The following GALNTL6 variants were observed in gnomAD, a reference collection of about 807,000 sequenced individuals.
GALNTL6 encodes the protein polypeptide N-acetylgalactosaminyltransferase like 6, also known as polypeptide N-acetylgalactosaminyltransferase-like 6.
A neutral mutation model predicts 73.7 loss-of-function variants in GALNTL6; 46 were observed. That is an observed-to-expected ratio of 0.62 (90% CI 0.49 to 0.80). The LOEUF is 0.80. Ranked by LOEUF, GALNTL6 falls within the 30% of genes least tolerant of loss-of-function variation. The pLI, the probability that GALNTL6 is intolerant of heterozygous loss-of-function variation, is 0.00. For synonymous variants in GALNTL6, 259 were observed against 263.7 expected (o/e 0.98, Z 0.17); for missense variants, 604 against 755.0 (o/e 0.80, Z 2.34).
intron 2 of GALNTL6, among the ~76,000 whole-genome samples, chr4:172,064,001 A>T (rs1456137473): frequency 1.3e-5 from 2 of 152,116 alleles, no homozygotes; most frequent in African/African-American, 4.8e-5. Flanking sequence ...CTCCTGCAGG[A>T]TTATTTCATT....
At chr4:172,140,658 T>C (rs1297647858) in intron 2 of GALNTL6, among the ~76,000 whole-genome samples, 1 of 152,022 alleles carries the variant, frequency 6.6e-6, no homozygotes, top group Non-Finnish European at 1.5e-5. Context: ...TTCTCAACTG[T>C]TATGTTAGTC....
Position 172,311,727 on chromosome 4 carries a change from T to G in GALNTL6, c.361T>G (p.Ser121Ala). Reference protein sequence around the residue: ...FVSNNIALERSLPDIRHANCK... With the variant: ...FVSNNIALERALPDIRHANCK... ...CAGCAACAATATTGCTCTAGAGAGG[T>G]CTCTGCCAGATATTCGTCATGCTAA... Residue 121 changes from serine to alanine, a missense_variant, in exon 4 of 13, where the codon TCT (serine) becomes GCT (alanine). Transcript: ENST00000506823. The G allele has an allele frequency of 1.3e-6, 2 of 1,598,414 alleles. No individual in the cohort carries two copies. Among genetic ancestry groups the G allele is most frequent in the Non-Finnish European group, 1.7e-6 (2 of 1,170,414 alleles).
intron 9 of GALNTL6, among the ~76,000 whole-genome samples, chr4:172,948,383 T>C (rs1749273903): frequency 6.6e-6 from 1 of 152,208 alleles, no homozygotes; most frequent in South Asian, 2.1e-4. Context: ...ATGATCCAAC[T>C]GCTTGCTTTG....
At chr4:172,536,633 G>A (rs1043289147) in intron 5 of GALNTL6, among the ~76,000 whole-genome samples, 1 of 152,158 alleles carries the variant, frequency 6.6e-6, no homozygotes, top group African/African-American at 2.4e-5. Context: ...TTTCTAAGCA[G>A]CAAAGCATTC....
chr4:172,382,638 T>A (rs148383054), intron 5 of GALNTL6, among the ~76,000 whole-genome samples: 2 of 152,308 alleles, frequency 1.3e-5, no homozygotes, highest in East Asian at 3.9e-4. Context: ...TGTCTCATAC[T>A]TTTGGTGTTA....
rs1738578581 is a variant in GALNTL6 at position 172,768,587 on chromosome 4, T to G, written c.554-40774T>G. Among the ~76,000 whole-genome samples, 5 of 152,312 alleles carry G rather than the reference T, an allele frequency of 3.3e-5. 1 individual carries two copies. The South Asian group carries it at 1.0e-3, about 32-fold the overall frequency. On this transcript the variant is annotated intron_variant, in intron 5 of 12. Transcript: ENST00000506823. ...TGCTACCTCTATGGGTGTCTTTAAC[T>G]AAAGGGTAGAATATTTATAAACATT...
intron 5 of GALNTL6, among the ~76,000 whole-genome samples, chr4:172,371,711 G>A (rs920840301): frequency 6.6e-6 from 1 of 151,000 alleles, no homozygotes; most frequent in Non-Finnish European, 1.5e-5. Context: ...TTGACTTTCT[G>A]TCTCTTTCTC....
intron 5 of GALNTL6, among the ~76,000 whole-genome samples, chr4:172,747,441 A>G (rs914933468): frequency 5.3e-5 from 8 of 152,210 alleles, no homozygotes; most frequent in Non-Finnish European, 8.8e-5. Flanking sequence ...AATTATCAAA[A>G]AAATACAAAT....
intron 8 of GALNTL6, among the ~76,000 whole-genome samples, chr4:172,912,233 A>T (rs760735874): frequency 6.6e-6 from 1 of 152,216 alleles, no homozygotes; most frequent in Non-Finnish European, 1.5e-5. Flanking sequence ...CTTTAGAGGT[A>T]TAAGAATTTG....
intron 5 of GALNTL6, among the ~76,000 whole-genome samples, chr4:172,802,810 CA>C (rs371341244): frequency 1.8e-3 from 143 of 80,686 alleles, no homozygotes; most frequent in African/African-American, 5.3e-3. Flanking sequence ...AACAAACAAA[CA>C]AACAACAACA....
chr4:172,755,237 T>TATAGATAG (rs58940503), intron 5 of GALNTL6, among the ~76,000 whole-genome samples: 39,769 of 145,288 alleles, frequency 0.27, 5,641 homozygotes, highest in African/African-American at 0.31. Context: ...AAATGACAGA[T>TATAGATAG]ATAGATAGAT....
intron 7 of GALNTL6, among the ~76,000 whole-genome samples, chr4:172,828,870 TA>T (rs1742429847): frequency 6.6e-6 from 1 of 152,182 alleles, no homozygotes; most frequent in Non-Finnish European, 1.5e-5. Flanking sequence ...AGGGCTTCCA[TA>T]ACAAAGTACT....
At chr4:171,898,362 C>A (rs1260743609) in intron 2 of GALNTL6, among the ~76,000 whole-genome samples, 1 of 152,052 alleles carries the variant, frequency 6.6e-6, no homozygotes, top group Non-Finnish European at 1.5e-5. Context: ...TAGGTATCTA[C>A]CCAAGAGAAA....
intron 5 of GALNTL6, among the ~76,000 whole-genome samples, chr4:172,581,563 T>G (rs967894413): frequency 2.0e-5 from 3 of 152,222 alleles, no homozygotes; most frequent in Non-Finnish European, 4.4e-5. Flanking sequence ...TTTCCCTCTG[T>G]CCCAATATGC....
At chr4:172,583,390 C>A (rs897120936) in intron 5 of GALNTL6, among the ~76,000 whole-genome samples, 3 of 152,032 alleles carry the variant, frequency 2.0e-5, no homozygotes, top group Admixed American at 2.0e-4. Context: ...TTTTGTGTAC[C>A]AGGCTTTGTG....
At chr4:172,810,617 A>G (rs181534798) in intron 6 of GALNTL6, among the ~76,000 whole-genome samples, 4 of 152,284 alleles carry the variant, frequency 2.6e-5, no homozygotes, top group South Asian at 4.1e-4. Flanking sequence ...GGGGAAATCA[A>G]TTGAAACTGT....
intron 7 of GALNTL6, among the ~76,000 whole-genome samples, chr4:172,831,157 CAAAAAAAAAAAAAAAAAA>C (rs60870698): frequency 2.3e-4 from 15 of 63,902 alleles, no homozygotes; most frequent in Admixed American, 6.9e-4. Context: ...GACTCCCTCT[CAAAAAAAAAAAAAAAAAA>C]AAAAAAAAAA....
intron 2 of GALNTL6, among the ~76,000 whole-genome samples, chr4:172,032,113 A>G (rs959289031): frequency 1.8e-4 from 27 of 152,118 alleles, no homozygotes; most frequent in Non-Finnish European, 7.4e-5. Flanking sequence ...AAGATACCTT[A>G]TTTTTACTAA....
At chr4:172,859,412 G>T (rs538926977) in intron 7 of GALNTL6, among the ~76,000 whole-genome samples, 1 of 152,104 alleles carries the variant, frequency 6.6e-6, no homozygotes, top group Non-Finnish European at 1.5e-5. Context: ...TACATGAAGC[G>T]CTTCAGTATA....
Sources: allele counts gnomAD v4.1 joint callset (sites outside exome capture counted in the v4.1 genomes callset), GRCh38; gene constraint gnomAD v4.1.1; transcripts MANE v1.5; gene names NCBI Gene and HGNC (gene_info 2026-07-23, HGNC 2026-07-21).